DSCAM: variants seen among roughly 807,000 people sequenced by gnomAD.
DSCAM encodes cell adhesion molecule DSCAM.
DSCAM carries 47 observed loss-of-function variants against 217.7 expected under a neutral mutation model. The observed-to-expected ratio is 0.22, with a 90% CI of 0.17 to 0.28. DSCAM has a LOEUF of 0.28. Ranked by LOEUF, DSCAM falls within the 10% of genes least tolerant of loss-of-function variation. The probability of loss-of-function intolerance (pLI) is 1.00; values close to 1 mark genes in which losing one functional copy is unlikely to be tolerated. For missense variants in DSCAM, 2,080 were observed against 2,618.3 expected (o/e 0.79, Z 4.49); for synonymous variants, 1,056 against 1,015.3 (o/e 1.04, Z -0.76).
chr21:40,102,747 C>G (rs1369325636), intron 20 of DSCAM, among the ~76,000 whole-genome samples: 1 of 152,156 alleles, frequency 6.6e-6, no homozygotes, highest in Non-Finnish European at 1.5e-5. Context: ...AATTCATTTC[C>G]GAACCCCTCA....
chr21:40,725,299 T>C (rs2090943367), intron 1 of DSCAM, among the ~76,000 whole-genome samples: 1 of 152,140 alleles, frequency 6.6e-6, no homozygotes, highest in South Asian at 2.1e-4. Flanking sequence ...TGACAAAGTG[T>C]AGATGTCCAG....
At chr21:40,058,179 C>CTCAA (rs1160286119) in intron 28 of DSCAM, among the ~76,000 whole-genome samples, 1 of 151,992 alleles carries the variant, frequency 6.6e-6, no homozygotes, top group Non-Finnish European at 1.5e-5. Flanking sequence ...GCCGGACTCA[C>CTCAA]AGTTCTTCTT....
At chr21:40,179,272 G>A (rs1032449406) in intron 14 of DSCAM, among the ~76,000 whole-genome samples, 178 bp from the exon 15 acceptor site, 7 of 151,422 alleles carry the variant, frequency 4.6e-5, no homozygotes, top group African/African-American at 1.7e-4. Context: ...CAGCTTTCTG[G>A]CAGAGTTGGC....
intron 3 of DSCAM, among the ~76,000 whole-genome samples, chr21:40,656,852 T>C (rs2090082554): frequency 1.3e-5 from 2 of 152,226 alleles, no homozygotes; most frequent in Non-Finnish European, 2.9e-5. Context: ...GTGTATCTTA[T>C]CTTATCTCAT....
intron 4 of DSCAM, among the ~76,000 whole-genome samples, chr21:40,366,793 A>G (rs896900047): frequency 3.3e-5 from 5 of 152,162 alleles, no homozygotes; most frequent in Admixed American, 2.6e-4. Flanking sequence ...CTCGACATTT[A>G]GCCCATCTCT....
At chr21:40,401,763 A>G (rs1469764357) in intron 3 of DSCAM, among the ~76,000 whole-genome samples, 2 of 152,114 alleles carry the variant, frequency 1.3e-5, no homozygotes, top group Non-Finnish European at 2.9e-5. Flanking sequence ...CAGGGTCAAG[A>G]GAACAGCACA....
chr21:40,686,310 CACACACACCACATATACACAGAGT>C (rs1255090885), intron 3 of DSCAM, among the ~76,000 whole-genome samples: 56 of 151,006 alleles, frequency 3.7e-4, no homozygotes, highest in African/African-American at 1.2e-3. Flanking sequence ...ACACGGCACA[CACACACACCACATATACACAGAGT>C]ACACACCCCA....
At chr21:40,641,839 G>C (rs917416312) in intron 3 of DSCAM, among the ~76,000 whole-genome samples, 6 of 152,132 alleles carry the variant, frequency 3.9e-5, no homozygotes, top group African/African-American at 1.4e-4. Context: ...CACGAGGTCA[G>C]GAGTTCGAGA....
At chr21:40,124,099 T>A in intron 20 of DSCAM, 96 bp downstream of exon 20, 1 of 1,541,344 alleles carries the variant, frequency 6.5e-7, no homozygotes, top group Non-Finnish European at 8.9e-7. Context: ...AAGACCCAGG[T>A]AGGTGGGAAA....
At chr21:40,497,112 C>T (rs1242691630) in intron 3 of DSCAM, among the ~76,000 whole-genome samples, 2 of 152,208 alleles carry the variant, frequency 1.3e-5, no homozygotes, top group African/African-American at 4.8e-5. Flanking sequence ...AATAGAACTA[C>T]CATATTATCC....
intron 3 of DSCAM, among the ~76,000 whole-genome samples, chr21:40,539,087 G>A (rs1488628654): frequency 6.6e-6 from 1 of 152,144 alleles, no homozygotes; most frequent in African/African-American, 2.4e-5. Flanking sequence ...GGAGTCCCAT[G>A]TTTTACAGAC....
At chr21:40,100,993 C>T (rs946723410) in intron 20 of DSCAM, among the ~76,000 whole-genome samples, 33 of 152,142 alleles carry the variant, frequency 2.2e-4, no homozygotes, top group Admixed American at 1.8e-3. Flanking sequence ...CCTTTGTGAC[C>T]TGTGGAAATA....
intron 3 of DSCAM, among the ~76,000 whole-genome samples, chr21:40,527,101 T>G (rs916463323): frequency 6.6e-6 from 1 of 152,142 alleles, no homozygotes; most frequent in African/African-American, 2.4e-5. Flanking sequence ...TAAGCTCCAT[T>G]TTTCTCTGAC....
chr21:40,691,514 C>A (rs956633825), intron 3 of DSCAM, among the ~76,000 whole-genome samples: 1 of 152,168 alleles, frequency 6.6e-6, no homozygotes, highest in African/African-American at 2.4e-5. Context: ...ATTAAGACAA[C>A]TAACATGACC....
At chr21:40,526,787 TTTTA>T (rs1159484509) in intron 3 of DSCAM, among the ~76,000 whole-genome samples, 2 of 152,020 alleles carry the variant, frequency 1.3e-5, no homozygotes, top group African/African-American at 2.4e-5. Context: ...TACAGAGCAC[TTTTA>T]TTTGTCAAAA....
intron 3 of DSCAM, among the ~76,000 whole-genome samples, chr21:40,442,997 G>A (rs2145916661): frequency 6.6e-6 from 1 of 152,238 alleles, no homozygotes; most frequent in African/African-American, 2.4e-5. Context: ...AACTGTTCTT[G>A]TTATAAAGTA....
At chr21:40,038,758 G>A (rs62235624) in intron 32 of DSCAM, among the ~76,000 whole-genome samples, 1,313 of 114,646 alleles carry the variant, frequency 0.011, 14 homozygotes, top group Non-Finnish European at 0.016. Context: ...CAAAGACTTG[G>A]AACCAACCCA....
intron 3 of DSCAM, among the ~76,000 whole-genome samples, chr21:40,435,730 T>G (rs1485056794): frequency 2.0e-5 from 3 of 152,244 alleles, no homozygotes; most frequent in South Asian, 2.1e-4. Context: ...TCTATTCAGT[T>G]TCACTGATCT....
At chr21:40,616,739 C>T (rs572949004) in intron 3 of DSCAM, among the ~76,000 whole-genome samples, 4 of 152,192 alleles carry the variant, frequency 2.6e-5, no homozygotes, top group African/African-American at 7.2e-5. Flanking sequence ...GGTTATTGGC[C>T]GGGCGCGGTG....
Sources: gnomAD v4.1 joint callset for allele counts (sites outside exome capture counted in the v4.1 genomes callset) on GRCh38, gnomAD v4.1.1 for gene constraint, MANE v1.5 for transcripts, NCBI Gene and HGNC (gene_info 2026-07-23, HGNC 2026-07-21) for gene names.